Variants in RASAL2 observed in about 807,000 individuals in gnomAD.
The protein encoded by RASAL2 is RAS protein activator like 2, also known as ras GTPase-activating protein nGAP.
Under a neutral mutation model 128.9 loss-of-function variants are expected in RASAL2, and 58 were observed. That is an observed-to-expected ratio of 0.45 (90% CI 0.36 to 0.56). RASAL2 has a LOEUF of 0.56. Ranked by LOEUF, RASAL2 falls within the 20% of genes least tolerant of loss-of-function variation. The pLI is 0.00. For missense variants in RASAL2, 1,360 were observed against 1,601.6 expected (o/e 0.85, Z 2.57); for synonymous variants, 561 against 580.8 (o/e 0.97, Z 0.49).
chr1:178,449,349 A>G (rs998860121), intron 9 of RASAL2, among the ~76,000 whole-genome samples: 3 of 152,150 alleles, frequency 2.0e-5, no homozygotes, highest in Non-Finnish European at 2.9e-5. Context: ...CACTAAAGAA[A>G]GCCCTGATGA....
At chr1:178,225,923 G>A (rs995581392) in intron 1 of RASAL2, among the ~76,000 whole-genome samples, 2 of 152,002 alleles carry the variant, frequency 1.3e-5, no homozygotes, top group African/African-American at 2.4e-5. Context: ...TTGATTCTTA[G>A]CACACTATCA....
chr1:178,329,877 G>A (rs139461035), intron 3 of RASAL2, among the ~76,000 whole-genome samples: 2 of 152,050 alleles, frequency 1.3e-5, no homozygotes, highest in Non-Finnish European at 2.9e-5. Context: ...AAAGACAAAG[G>A]TTATCCCCAG....
rs370427798 is a variant in RASAL2 at position 178,457,451 on chromosome 1, A to G, written c.2391-232A>G. 9.2e-5 allele frequency among the ~76,000 whole-genome samples: 14 copies of G among 152,374 alleles called. No homozygotes were observed. The East Asian group carries it at 2.5e-3, about 27-fold the overall frequency. ...TGGAATCCTGGTTAAAACTGAAGAC[A>G]GTGATGGGTTGGTATCTACAGTGTT... On this transcript the variant is annotated intron_variant, in intron 13 of 17. Transcript: ENST00000367649.
intron 1 of RASAL2, among the ~76,000 whole-genome samples, chr1:178,269,964 C>T (rs777969702): frequency 6.6e-6 from 1 of 152,078 alleles, no homozygotes; most frequent in Non-Finnish European, 1.5e-5. Flanking sequence ...ATTAGCAGTT[C>T]GTGGTAGGCA....
At chr1:178,152,995 C>T (rs1279172591) in intron 1 of RASAL2, among the ~76,000 whole-genome samples, 3 of 152,086 alleles carry the variant, frequency 2.0e-5, no homozygotes, top group Non-Finnish European at 4.4e-5. Flanking sequence ...TTTATTTCCC[C>T]TATTGTCTTA....
chr1:178,247,916 G>A (rs1456010128), intron 1 of RASAL2, among the ~76,000 whole-genome samples: 1 of 152,148 alleles, frequency 6.6e-6, no homozygotes, highest in Non-Finnish European at 1.5e-5. Flanking sequence ...TAATTTGATT[G>A]CATTGTGGTC....
chr1:178,173,113 T>C lies in RASAL2; in HGVS notation c.202+78419T>C, dbSNP rs557023528. Among the ~76,000 whole-genome samples, 4 of 152,242 alleles carry C rather than the reference T, an allele frequency of 2.6e-5. No individual in the cohort carries two copies. In the East Asian group the frequency reaches 7.7e-4, roughly 29 times the overall value. ...CCATTCTAACATACGTGTCCATTTC[T>C]CCATCCCTTCCTCCCCAGTGTTGTG... On this transcript the variant is annotated intron_variant, in intron 1 of 17. Coordinates refer to ENST00000367649, the MANE Select transcript of RASAL2 (RefSeq NM_170692.4).
intron 1 of RASAL2, among the ~76,000 whole-genome samples, chr1:178,120,225 A>G (rs1302506264): frequency 6.6e-6 from 1 of 152,194 alleles, no homozygotes; most frequent in Non-Finnish European, 1.5e-5. Context: ...AATGTGAATC[A>G]CCTGTTGCAA....
intron 4 of RASAL2, among the ~76,000 whole-genome samples, chr1:178,393,418 A>T (rs1224011799): frequency 3.3e-5 from 5 of 152,206 alleles, no homozygotes; most frequent in Non-Finnish European, 5.9e-5. Context: ...GATCCCTCGC[A>T]TGCGCAGTTC....
At position 178,428,976 on chromosome 1, in the gene RASAL2, A is replaced by G. The variant is rs984065462; in HGVS notation, c.674+8356A>G. Among the ~76,000 whole-genome samples, 73 of 152,250 alleles carry G rather than the reference A, an allele frequency of 4.8e-4. 1 individual carries two copies. The Middle Eastern group carries it at 0.01, about 21-fold the overall frequency. ...GATGAGAAAGAGGATAACAAAGTCT[A>G]TCTTAGCCTTCCATAATGCTCACTG... On this transcript the variant is annotated intron_variant, in intron 5 of 17. Coordinates refer to ENST00000367649, the MANE Select transcript of RASAL2 (RefSeq NM_170692.4).
intron 2 of RASAL2, among the ~76,000 whole-genome samples, chr1:178,286,772 T>C (rs116265481): frequency 1.5e-3 from 234 of 152,300 alleles, no homozygotes; most frequent in African/African-American, 5.5e-3. Flanking sequence ...GGGCCATTAT[T>C]ATCTCCAAGA....
At chr1:178,274,497 G>C (rs547905728) in intron 1 of RASAL2, among the ~76,000 whole-genome samples, 1 of 152,124 alleles carries the variant, frequency 6.6e-6, no homozygotes, top group South Asian at 2.1e-4. Flanking sequence ...TAACAGAAAC[G>C]AGACATGAAA....
intron 1 of RASAL2, among the ~76,000 whole-genome samples, chr1:178,144,171 C>G (rs1660637322): frequency 6.6e-6 from 1 of 152,150 alleles, no homozygotes; most frequent in African/African-American, 2.4e-5. Flanking sequence ...TGGACACTTT[C>G]TGTCCTCCTA....
chr1:178,095,827 G>A (rs983746717), intron 1 of RASAL2, among the ~76,000 whole-genome samples: 2 of 152,184 alleles, frequency 1.3e-5, no homozygotes, highest in African/African-American at 4.8e-5. Context: ...ATGGCTATGG[G>A]ATTTGGGGCA....
intron 17 of RASAL2, among the ~76,000 whole-genome samples, chr1:178,470,425 C>T (rs916600373): frequency 6.6e-6 from 1 of 152,204 alleles, no homozygotes; most frequent in African/African-American, 2.4e-5. Flanking sequence ...AGGATGAGCA[C>T]TCCTTTGGTG....
chr1:178,418,641 A>G (rs553075908), intron 4 of RASAL2, among the ~76,000 whole-genome samples: 43 of 152,354 alleles, frequency 2.8e-4, no homozygotes, highest in South Asian at 4.1e-4. Flanking sequence ...CTCTAATAAA[A>G]GGAGCAATGC....
chr1:178,397,258 A>G (rs1456650939), intron 4 of RASAL2, among the ~76,000 whole-genome samples: 2 of 152,230 alleles, frequency 1.3e-5, no homozygotes, highest in Non-Finnish European at 2.9e-5. Flanking sequence ...TATGCAAACT[A>G]TGATTTATCC....
chr1:178,169,934 G>A (rs1023187336), intron 1 of RASAL2, among the ~76,000 whole-genome samples: 12 of 151,910 alleles, frequency 7.9e-5, no homozygotes, highest in Admixed American at 2.0e-4. Context: ...GGAAGAATGG[G>A]AAGGTTTAAA....
chr1:178,101,401 G>A (rs1330994774), intron 1 of RASAL2, among the ~76,000 whole-genome samples: 2 of 151,974 alleles, frequency 1.3e-5, no homozygotes, highest in Non-Finnish European at 2.9e-5. Context: ...GATCCTGATT[G>A]TATTTTTACC....
Sources: allele counts gnomAD v4.1 joint callset (sites outside exome capture counted in the v4.1 genomes callset), GRCh38; gene constraint gnomAD v4.1.1; transcripts MANE v1.5; gene names NCBI Gene and HGNC (gene_info 2026-07-23, HGNC 2026-07-21).